Variants in ESRRG observed in about 807,000 individuals in gnomAD.
ESRRG encodes estrogen related receptor gamma.
Under a neutral mutation model 44.0 loss-of-function variants are expected in ESRRG, and 13 were observed. The ratio of observed to expected loss-of-function variants is 0.30; its 90% CI spans 0.19 to 0.47. The LOEUF (loss-of-function observed/expected upper bound fraction) is 0.47, where lower values mean the gene tolerates loss of function less well. ESRRG is among the 20% of genes least tolerant of loss of function. The pLI, the probability that ESRRG is intolerant of heterozygous loss-of-function variation, is 1.00. For synonymous variants in ESRRG, 215 were observed against 214.6 expected (o/e 1.00, Z -0.02); for missense variants, 395 against 580.6 (o/e 0.68, Z 3.29).
At chr1:216,727,349 C>T (rs1028117327), upstream of ESRRG, among the ~76,000 whole-genome samples, 1 of 152,058 alleles carries the variant, frequency 6.6e-6, no homozygotes, top group Non-Finnish European at 1.5e-5. Context: ...CAATTACAAA[C>T]TACTATCTTT....
intron 1 of ESRRG, among the ~76,000 whole-genome samples, chr1:217,065,835 T>C (rs1399946458): frequency 2.0e-5 from 3 of 152,180 alleles, no homozygotes; most frequent in Admixed American, 6.5e-5. Context: ...AGAAGCACTT[T>C]TGCAATAATA....
chr1:216,974,432 C>T (rs528158798), intron 1 of ESRRG, among the ~76,000 whole-genome samples: 20 of 152,140 alleles, frequency 1.3e-4, no homozygotes, highest in Non-Finnish European at 2.8e-4. Flanking sequence ...AGACCTAACT[C>T]TTGCAGGTAT....
chr1:216,654,161 A>T (rs2069792686), intron 2 of ESRRG, among the ~76,000 whole-genome samples: 1 of 151,590 alleles, frequency 6.6e-6, no homozygotes, highest in South Asian at 2.1e-4. Context: ...AAAGTAATAT[A>T]TAAGTAAAAG....
At chr1:216,817,695 A>G (rs2095181846) in intron 2 of ESRRG, among the ~76,000 whole-genome samples, 2 of 152,234 alleles carry the variant, frequency 1.3e-5, no homozygotes, top group African/African-American at 4.8e-5. Context: ...TGAAATATTA[A>G]AACAGTATGA....
chr1:216,808,363 T>A lies in ESRRG; in HGVS notation c.-13-130872A>T, dbSNP rs547102866. Among the ~76,000 whole-genome samples the A allele has an allele frequency of 3.3e-5, 5 of 152,270 alleles. 1 individual carries two copies. The highest frequency in any genetic ancestry group is 4.1e-4 in the South Asian group (2 of 4,830). On this transcript the variant is annotated intron_variant, in intron 2 of 7. Coordinates refer to the ESRRG transcript ENST00000359162. ...AAGGCTTGGCTGAATAAAAGTCCTG[T>A]CTGAACGAGAGTCTTGGGTAAGTCT...
chr1:216,795,498 G>T (rs1343002111), intron 2 of ESRRG, among the ~76,000 whole-genome samples: 4 of 151,338 alleles, frequency 2.6e-5, no homozygotes, highest in African/African-American at 7.3e-5. Context: ...GTGCCACTGT[G>T]CCTGGCTAAT....
At chr1:216,738,778 G>A (rs1246409605) in intron 2 of ESRRG, among the ~76,000 whole-genome samples, 1 of 152,114 alleles carries the variant, frequency 6.6e-6, no homozygotes, top group Admixed American at 6.6e-5. Context: ...CTGAATACAT[G>A]CTAATGTTTC....
chr1:216,519,400 G>A lies in ESRRG; in HGVS notation c.884C>T (p.Ala295Val), dbSNP rs752416358. 1.7e-5 allele frequency: 27 copies of A among 1,611,570 alleles called. No individual in the cohort carries two copies. The highest frequency in any genetic ancestry group is 1.1e-4 in the South Asian group (10 of 90,928). ...HIPGFSTLSL[A>V]DQMSLLQSAW... is the part of the protein sequence containing the mutation. ...ACTCTGCAGAAGGCTCATCTGGTCC[G>A]CCAGGGACAGCGTGGAGAAGCCTGC... Residue 295 changes from alanine to valine, a missense_variant, in exon 6 of 7, where the codon GCG becomes GTG. Ala to Val is a moderately conservative substitution (Grantham distance 64). Coordinates refer to ENST00000408911, the MANE Select transcript of ESRRG (RefSeq NM_001438.4).
At chr1:216,593,302 A>C (rs758332985) in intron 3 of ESRRG, among the ~76,000 whole-genome samples, 1 of 152,160 alleles carries the variant, frequency 6.6e-6, no homozygotes, top group Non-Finnish European at 1.5e-5. Context: ...AAAAAAATAA[A>C]ATGAATAAAA....
chr1:216,975,631 C>T (rs1184690684), intron 1 of ESRRG, among the ~76,000 whole-genome samples: 1 of 152,166 alleles, frequency 6.6e-6, no homozygotes, highest in Non-Finnish European at 1.5e-5. Context: ...TGAAAATATT[C>T]AATTCTCAAC....
intron 3 of ESRRG, among the ~76,000 whole-genome samples, chr1:216,570,744 G>A (rs889515053): frequency 6.6e-6 from 1 of 152,106 alleles, no homozygotes; most frequent in Non-Finnish European, 1.5e-5. Flanking sequence ...ACAATGACAG[G>A]CAAAAGCTAA....
chr1:216,571,339 A>G (rs1319449887), intron 3 of ESRRG, among the ~76,000 whole-genome samples: 5 of 152,158 alleles, frequency 3.3e-5, no homozygotes. Context: ...GGTACTCAGG[A>G]GGCTGAGGTA....
At position 216,595,827 on chromosome 1, in the gene ESRRG, T is replaced by C. The variant is rs2058346339; in HGVS notation, c.590-27729A>G. Among the ~76,000 whole-genome samples the C allele has an allele frequency of 2.0e-5, 3 of 152,228 alleles. No individual in the cohort carries two copies. In the South Asian group the frequency reaches 6.2e-4, roughly 31 times the overall value. ...CTGGATTATGAAAACACAGCATCAA[T>C]AGCATTTTTTTTCCACATAATTTTG... On this transcript the variant is annotated intron_variant, in intron 3 of 6. Transcript: ENST00000408911.
chr1:217,121,070 G>A (rs897271254), intron 1 of ESRRG, among the ~76,000 whole-genome samples: 1 of 152,052 alleles, frequency 6.6e-6, no homozygotes, highest in African/African-American at 2.4e-5. Context: ...TGGGGGAAGG[G>A]AGGGATAATG....
intron 3 of ESRRG, among the ~76,000 whole-genome samples, chr1:216,570,303 C>T (rs1440298829): frequency 1.3e-5 from 2 of 152,128 alleles, no homozygotes; most frequent in African/African-American, 4.8e-5. Flanking sequence ...TGAAAATTGC[C>T]ATGCATGTTG....
At chr1:216,797,652 G>A (rs1363243047) in intron 2 of ESRRG, among the ~76,000 whole-genome samples, 4 of 152,130 alleles carry the variant, frequency 2.6e-5, no homozygotes, top group Non-Finnish European at 4.4e-5. Flanking sequence ...TTTGCCTGAT[G>A]TTTTTTGGGA....
intron 3 of ESRRG, among the ~76,000 whole-genome samples, chr1:216,649,286 C>T (rs563035974): frequency 3.3e-5 from 5 of 152,142 alleles, no homozygotes; most frequent in Admixed American, 6.6e-5. Context: ...GGATTACAAA[C>T]GTAAAACATG....
chr1:216,812,143 C>A (rs2094990888), intron 2 of ESRRG, among the ~76,000 whole-genome samples: 1 of 152,174 alleles, frequency 6.6e-6, no homozygotes, highest in African/African-American at 2.4e-5. Flanking sequence ...AAGTCCCACT[C>A]TCCAGAGAAG....
chr1:216,811,343 T>C (rs2094962302), intron 2 of ESRRG, among the ~76,000 whole-genome samples: 1 of 152,128 alleles, frequency 6.6e-6, no homozygotes, highest in Non-Finnish European at 1.5e-5. Flanking sequence ...CACACTAATC[T>C]TAGTTTGGCA....
Sources: allele counts gnomAD v4.1 joint callset (sites outside exome capture counted in the v4.1 genomes callset), GRCh38; gene constraint gnomAD v4.1.1; transcripts MANE v1.5; gene names NCBI Gene and HGNC (gene_info 2026-07-23, HGNC 2026-07-21).